Variants in FAF1 observed in about 807,000 individuals in gnomAD.
FAF1 encodes the protein Fas associated factor 1.
In FAF1, 25 loss-of-function variants were observed where a neutral mutation model predicts 92.5. The ratio of observed to expected loss-of-function variants is 0.27; its 90% confidence interval spans 0.20 to 0.38. FAF1 has a LOEUF of 0.38. Among genes scored for constraint, FAF1 ranks in the 10% least tolerant of loss-of-function variants. The pLI, the probability that FAF1 is intolerant of heterozygous loss-of-function variation, is 1.00. For synonymous variants in FAF1, 234 were observed against 273.2 expected, an observed-to-expected ratio of 0.86 and a Z score of 1.42; for missense variants, 636 against 793.3, an observed-to-expected ratio of 0.80 and a Z score of 2.38.
At chr1:50,920,272 A>G (rs894675409) in intron 1 of FAF1, among the ~76,000 whole-genome samples, 4 of 151,620 alleles carry the variant, frequency 2.6e-5, no homozygotes, top group African/African-American at 9.7e-5. Context: ...ACCACACTCC[A>G]GCCTGGGTGA....
intron 13 of FAF1, among the ~76,000 whole-genome samples, chr1:50,559,922 G>C (rs1441827207): frequency 6.6e-6 from 1 of 152,200 alleles, no homozygotes; most frequent in African/African-American, 2.4e-5. Context: ...GAATAAAGAA[G>C]TTTGGAGAAA....
chr1:50,811,771 A>G (rs1401929705), intron 2 of FAF1, among the ~76,000 whole-genome samples: 1 of 152,180 alleles, frequency 6.6e-6, no homozygotes, highest in Non-Finnish European at 1.5e-5. Flanking sequence ...AAGCAAAAAG[A>G]GCCTAAGCAA....
intron 15 of FAF1, among the ~76,000 whole-genome samples, chr1:50,520,279 A>C (rs1376993549): frequency 1.3e-5 from 2 of 152,218 alleles, no homozygotes; most frequent in Admixed American, 6.5e-5. Context: ...GAAAAATGCC[A>C]GATAATTCTC....
chr1:50,839,371 C>A (rs1242734541), intron 2 of FAF1, among the ~76,000 whole-genome samples: 1 of 152,062 alleles, frequency 6.6e-6, no homozygotes, highest in Non-Finnish European at 1.5e-5. Flanking sequence ...GTTTGATATG[C>A]AAAGAAGTCT....
intron 2 of FAF1, among the ~76,000 whole-genome samples, chr1:50,851,108 T>C (rs1295619235): frequency 6.8e-6 from 1 of 147,904 alleles, no homozygotes; most frequent in East Asian, 2.0e-4. Flanking sequence ...TTTGAGACAG[T>C]CTCACTCTGT....
intron 15 of FAF1, among the ~76,000 whole-genome samples, chr1:50,507,202 T>G (rs1303743698): frequency 1.3e-5 from 2 of 152,134 alleles, no homozygotes; most frequent in African/African-American, 4.8e-5. Flanking sequence ...CTAACTGACC[T>G]CCTGAGTCAC....
intron 4 of FAF1, among the ~76,000 whole-genome samples, chr1:50,750,111 G>GT (rs1659794710): frequency 6.6e-6 from 1 of 152,138 alleles, no homozygotes; most frequent in Non-Finnish European, 1.5e-5. Flanking sequence ...AATGTAGCAA[G>GT]TTTCAGAGCC....
chr1:50,905,683 T>C (rs1028404451), intron 1 of FAF1, among the ~76,000 whole-genome samples: 1 of 152,246 alleles, frequency 6.6e-6, no homozygotes, highest in Non-Finnish European at 1.5e-5. Context: ...ATGTCTTCTT[T>C]TGAGAAGTGT....
intron 18 of FAF1, chr1:50,470,932 T>G (rs1646564193): frequency 6.6e-6 from 1 of 152,258 alleles, no homozygotes; most frequent in African/African-American, 2.4e-5. Flanking sequence ...TATCACAGCC[T>G]GCTGAAATTA....
At chr1:50,544,471 C>T (rs60848584) in intron 13 of FAF1, among the ~76,000 whole-genome samples, 9,967 of 152,196 alleles carry the variant, frequency 0.065, 405 homozygotes, top group East Asian at 0.092. Flanking sequence ...AATGGCCACA[C>T]TTTGAGACAC....
At chr1:50,882,635 A>T (rs1644622268) in intron 1 of FAF1, among the ~76,000 whole-genome samples, 1 of 150,552 alleles carries the variant, frequency 6.6e-6, no homozygotes, top group South Asian at 2.1e-4. Context: ...TAAATAAATA[A>T]ATAAATAAAT....
chr1:50,862,399 G>T (rs972344369), intron 1 of FAF1, among the ~76,000 whole-genome samples: 1 of 151,894 alleles, frequency 6.6e-6, no homozygotes, highest in African/African-American at 2.4e-5. Context: ...TGGATAGAGA[G>T]CAAAATGATG....
chr1:50,519,160 T>C (rs980606617), intron 15 of FAF1, among the ~76,000 whole-genome samples: 2 of 151,890 alleles, frequency 1.3e-5, no homozygotes, highest in African/African-American at 4.8e-5. Context: ...TGAAACCCTG[T>C]CTCTACTAAA....
intron 1 of FAF1, among the ~76,000 whole-genome samples, chr1:50,911,967 G>A (rs938601676): frequency 6.7e-6 from 1 of 150,204 alleles, no homozygotes; most frequent in African/African-American, 2.5e-5. Context: ...AGCCTGGGAG[G>A]TCAAGGTTAC....
intron 6 of FAF1, among the ~76,000 whole-genome samples, chr1:50,724,709 T>C (rs954314141): frequency 6.6e-6 from 1 of 152,192 alleles, no homozygotes; most frequent in Non-Finnish European, 1.5e-5. Context: ...TAGAGCCAAT[T>C]AGAATTACTT....
intron 4 of FAF1, among the ~76,000 whole-genome samples, chr1:50,782,610 A>C (rs1203126338): frequency 6.6e-6 from 1 of 152,080 alleles, no homozygotes; most frequent in Non-Finnish European, 1.5e-5. Context: ...CAAATTCCTG[A>C]GCTCCAGCAA....
chr1:50,836,951 CTTTTTTT>C lies in FAF1; in HGVS notation c.114+20971_114+20977del, dbSNP rs528322924. On this transcript the variant is annotated intron_variant, in intron 2 of 18. Coordinates refer to ENST00000396153, the MANE Select transcript of FAF1 (RefSeq NM_007051.3). ...TCTCTTACAAGTGTATGTTATGTTT[CTTTTTTT>C]TTTTTTTTTTTTTTTTTGAGATGGA... Among the ~76,000 whole-genome samples the C allele has an allele frequency of 6.4e-4, 49 of 76,690 alleles. No homozygotes were observed. In the Middle Eastern group the frequency reaches 0.071, roughly 112 times the overall value. 50.3% of individuals were successfully genotyped at this position (76,690 alleles called of 152,430 possible).
chr1:50,505,164 G>C (rs1467218321), intron 15 of FAF1, among the ~76,000 whole-genome samples: 2 of 152,134 alleles, frequency 1.3e-5, no homozygotes, highest in Non-Finnish European at 2.9e-5. Context: ...TCCACACTGG[G>C]GGAGAAGAAT....
intron 6 of FAF1, among the ~76,000 whole-genome samples, chr1:50,718,574 A>T (rs777163999): frequency 6.6e-6 from 1 of 152,250 alleles, no homozygotes; most frequent in African/African-American, 2.4e-5. Flanking sequence ...TTAAACAAAA[A>T]TAACAATTTA....
Sources: allele counts gnomAD v4.1 joint callset (sites outside exome capture counted in the v4.1 genomes callset), GRCh38; gene constraint gnomAD v4.1.1; transcripts MANE v1.5; gene names NCBI Gene and HGNC (gene_info 2026-07-23, HGNC 2026-07-21).